Variants in NFATC1 observed in about 807,000 individuals in gnomAD.
NFATC1 encodes nuclear factor of activated T cells 1.
In NFATC1, 22 loss-of-function variants were observed where a neutral mutation model predicts 76.0. That is an observed-to-expected ratio of 0.29 (90% confidence interval 0.21 to 0.41). The LOEUF is 0.41. Among genes scored for constraint, NFATC1 ranks in the 10% least tolerant of loss-of-function variants. The pLI is 1.00. For missense variants in NFATC1, 1,357 were observed against 1,337.7 expected, an observed-to-expected ratio of 1.01 and a Z score of -0.23; for synonymous variants, 704 against 613.1, an observed-to-expected ratio of 1.15 and a Z score of -2.19.
chr18:79,407,902 C>T (rs1029188228), intron 1 of NFATC1, among the ~76,000 whole-genome samples: 2 of 152,210 alleles, frequency 1.3e-5, no homozygotes, highest in African/African-American at 2.4e-5. Context: ...GGGCCCTTCC[C>T]ATACGAAGAC....
chr18:79,451,251 C>A, intron 5 of NFATC1, 125 bp downstream of exon 5: 1 of 1,221,284 alleles, frequency 8.2e-7, no homozygotes, highest in Non-Finnish European at 1.1e-6. Context: ...CCAAACCCAC[C>A]ACAGTGTGTG....
intron 2 of NFATC1, among the ~76,000 whole-genome samples, chr18:79,429,895 C>T (rs1163319666): frequency 1.3e-5 from 2 of 152,354 alleles, no homozygotes; most frequent in East Asian, 1.9e-4. Flanking sequence ...TGAGGGTTCT[C>T]GTGAGATCGT....
chr18:79,513,480 C>T (rs1323522248), intron 9 of NFATC1, among the ~76,000 whole-genome samples: 5 of 152,256 alleles, frequency 3.3e-5, no homozygotes, highest in Non-Finnish European at 7.3e-5. Context: ...AAACCTCAAA[C>T]AAAATGTCAC....
intron 9 of NFATC1, among the ~76,000 whole-genome samples, chr18:79,512,113 C>T (rs1220993809): frequency 1.3e-5 from 2 of 152,086 alleles, no homozygotes; most frequent in Admixed American, 6.5e-5. Context: ...CAGGAGGAGC[C>T]GGCCTCAGGG....
At chr18:79,469,126 C>T (rs1177109035) in intron 8 of NFATC1, 8 of 224,372 alleles carry the variant, frequency 3.6e-5, no homozygotes, top group Non-Finnish European at 6.0e-5. Context: ...TTAGTGAGTC[C>T]AGCCCATTCT....
chr18:79,400,589 C>T (rs1333127776), intron 1 of NFATC1: 16 of 1,017,432 alleles, frequency 1.6e-5, no homozygotes, highest in Middle Eastern at 3.5e-4. Context: ...GAGTCCCCGG[C>T]GCGCCCGGGA....
At chr18:79,471,558 G>A (rs1305960852) in intron 8 of NFATC1, among the ~76,000 whole-genome samples, 1 of 152,196 alleles carries the variant, frequency 6.6e-6, no homozygotes, top group African/African-American at 2.4e-5. Context: ...CTGGGGACAC[G>A]GAGCTCTTCC....
chr18:79,441,275 C>G (rs2086965813), intron 3 of NFATC1, among the ~76,000 whole-genome samples: 1 of 152,116 alleles, frequency 6.6e-6, no homozygotes, highest in Non-Finnish European at 1.5e-5. Context: ...CTCTTCCACC[C>G]CAGGATTCCT....
intron 8 of NFATC1, among the ~76,000 whole-genome samples, chr18:79,484,122 G>T (rs943460330): frequency 1.8e-4 from 27 of 151,964 alleles, no homozygotes; most frequent in African/African-American, 6.5e-4. Context: ...TGACGAGGCG[G>T]GGGGAGCACA....
At chr18:79,518,771 G>A (rs1040871627) in intron 9 of NFATC1, among the ~76,000 whole-genome samples, 1 of 152,174 alleles carries the variant, frequency 6.6e-6, no homozygotes, top group Admixed American at 6.5e-5. Flanking sequence ...GAGCTGTGCC[G>A]GGTGCTCTGG....
intron 8 of NFATC1, among the ~76,000 whole-genome samples, chr18:79,477,259 C>A (rs1248041195): frequency 6.6e-6 from 1 of 152,216 alleles, no homozygotes; most frequent in Non-Finnish European, 1.5e-5. Flanking sequence ...ACAATCTGAT[C>A]TTTGTTTTCC....
At chr18:79,424,234 C>T (rs1600667260) in intron 2 of NFATC1, among the ~76,000 whole-genome samples, 2 of 152,084 alleles carry the variant, frequency 1.3e-5, no homozygotes, top group Admixed American at 6.5e-5. Context: ...GCGGCGTGTG[C>T]GGGCCCACCT....
intron 1 of NFATC1, chr18:79,402,412 C>A (rs979993805): frequency 1.4e-5 from 14 of 984,864 alleles, no homozygotes; most frequent in Non-Finnish European, 1.7e-5. Flanking sequence ...CGGCACCCAC[C>A]GGGCTCATTC....
intron 2 of NFATC1, among the ~76,000 whole-genome samples, chr18:79,431,709 G>T (rs919816366): frequency 6.6e-6 from 1 of 151,566 alleles, no homozygotes; most frequent in South Asian, 2.1e-4. Context: ...GTTGTTGTTT[G>T]TTGTTTTTTT....
At chr18:79,474,923 G>A (rs1383315186) in intron 8 of NFATC1, among the ~76,000 whole-genome samples, 31 of 102,092 alleles carry the variant, frequency 3.0e-4, no homozygotes, top group African/African-American at 6.6e-4. Context: ...TCTCACGCTC[G>A]CTGTCAACGT....
At chr18:79,425,071 C>CTCTCTGTCTCTCCA (rs1323789277) in intron 2 of NFATC1, among the ~76,000 whole-genome samples, 2 of 124,234 alleles carry the variant, frequency 1.6e-5, no homozygotes, top group East Asian at 5.0e-4. Flanking sequence ...CTCTGTTTCT[C>CTCTCTGTCTCTCCA]TCTCTGTCTC....
At chr18:79,500,569 G>GA (rs1157402911) in intron 9 of NFATC1, among the ~76,000 whole-genome samples, 1 of 151,686 alleles carries the variant, frequency 6.6e-6, no homozygotes, top group Non-Finnish European at 1.5e-5. Flanking sequence ...AGAAACATGA[G>GA]AAAAATCAAT....
intron 9 of NFATC1, among the ~76,000 whole-genome samples, chr18:79,515,454 G>A (rs1026819121): frequency 2.0e-5 from 3 of 151,888 alleles, no homozygotes; most frequent in African/African-American, 7.3e-5. Flanking sequence ...TGGTGGTGGT[G>A]GGCGGGTGGT....
intron 3 of NFATC1, among the ~76,000 whole-genome samples, chr18:79,443,891 G>T (rs1184592584): frequency 6.6e-6 from 1 of 152,198 alleles, no homozygotes; most frequent in Non-Finnish European, 1.5e-5. Context: ...TGTGGGTCCT[G>T]GTACCTGGTG....
Sources: allele counts gnomAD v4.1 joint callset (sites outside exome capture counted in the v4.1 genomes callset), GRCh38; gene constraint gnomAD v4.1.1; transcripts MANE v1.5; gene names NCBI Gene and HGNC (gene_info 2026-07-23, HGNC 2026-07-21).